The following WDR27 variants were observed in gnomAD, a reference collection of about 807,000 sequenced individuals.
WDR27 encodes WD repeat-containing protein 27.
WDR27 carries 100 observed loss-of-function variants against 114.4 expected under a neutral mutation model. The observed-to-expected ratio is 0.87, with a 90% CI of 0.74 to 1.03. The LOEUF is 1.03. Ranked by LOEUF, WDR27 falls within the 50% of genes least tolerant of loss-of-function variation. WDR27 has a pLI of 0.00. For missense variants in WDR27, 1,129 were observed against 1,092.9 expected, an observed-to-expected ratio of 1.03 and a Z score of -0.47; for synonymous variants, 449 against 423.1, an observed-to-expected ratio of 1.06 and a Z score of -0.75.
At chr6:169,518,784 C>T (rs1051191751) in intron 25 of WDR27, among the ~76,000 whole-genome samples, 1 of 152,212 alleles carries the variant, frequency 6.6e-6, no homozygotes, top group African/African-American at 2.4e-5. Flanking sequence ...TCTTTCTCTG[C>T]CACATGGCCA....
intron 17 of WDR27, among the ~76,000 whole-genome samples, chr6:169,640,270 C>T (rs1227490052): frequency 1.3e-5 from 2 of 152,132 alleles, no homozygotes; most frequent in Non-Finnish European, 2.9e-5. Context: ...AATTTATAGA[C>T]TAGACAATGA....
At chr6:169,487,240 T>C (rs1265749186) in intron 25 of WDR27, among the ~76,000 whole-genome samples, 2 of 152,218 alleles carry the variant, frequency 1.3e-5, no homozygotes, top group South Asian at 2.1e-4. Flanking sequence ...GCGAATACCA[T>C]TATTTTTTAT....
At position 169,665,492 on chromosome 6, in the gene WDR27, G is replaced by A. The variant is rs938918534; in HGVS notation, c.777C>T (p.Asp259=). The change falls in exon 7 of 26, where the codon GAC becomes GAT. Residue 259 remains aspartate, a synonymous_variant. Transcript: ENST00000448612. ...AACTCTGTGGCTGTCTCACCTGGCC[G>A]TCAGCACACCCGGTGACCAGCTGCC... ...ESRQLVTGCA[D]GQLWIFSLMD... is the part of the protein sequence containing the mutation. 1.4e-5 allele frequency: 22 copies of A among 1,613,110 alleles called. No individual in the cohort carries two copies. The highest frequency in any genetic ancestry group is 1.8e-5 in the Non-Finnish European group (21 of 1,179,494).
At chr6:169,696,253 C>G (rs920764770) in intron 1 of WDR27, among the ~76,000 whole-genome samples, 2 of 152,188 alleles carry the variant, frequency 1.3e-5, no homozygotes, top group Admixed American at 6.5e-5. Context: ...AACAAGCAAT[C>G]AACAGCAAGA....
At chr6:169,512,230 C>T (rs1201666677) in intron 25 of WDR27, among the ~76,000 whole-genome samples, 2 of 152,122 alleles carry the variant, frequency 1.3e-5, no homozygotes, top group East Asian at 3.9e-4. Flanking sequence ...AAATTTTATA[C>T]CTAGATGTCT....
At chr6:169,683,420 GA>G (rs919993350) in intron 2 of WDR27, among the ~76,000 whole-genome samples, 2 of 149,816 alleles carry the variant, frequency 1.3e-5, no homozygotes, top group Non-Finnish European at 3.0e-5. Context: ...TTCAGGGAAA[GA>G]AAAAAAATGC....
the WDR27 span, among the ~76,000 whole-genome samples, chr6:169,432,755 C>A: frequency 6.6e-6 from 1 of 152,106 alleles, no homozygotes; most frequent in African/African-American, 2.4e-5. Flanking sequence ...AAACTGGTAC[C>A]AGGTAGTGGG....
chr6:169,592,548 C>T (rs191116621), intron 23 of WDR27, among the ~76,000 whole-genome samples: 66 of 152,254 alleles, frequency 4.3e-4, no homozygotes, highest in African/African-American at 1.5e-3. Context: ...AATACTACTA[C>T]TAATCTTTCA....
At chr6:169,689,837 G>A (rs1475095646) in intron 1 of WDR27, among the ~76,000 whole-genome samples, 5 of 152,232 alleles carry the variant, frequency 3.3e-5, no homozygotes, top group African/African-American at 7.2e-5. Context: ...GGTCATGCAC[G>A]CTGTAGGTAT....
intron 13 of WDR27, 51 bp downstream of exon 13, chr6:169,658,225 T>G: frequency 1.3e-5 from 18 of 1,429,020 alleles, no homozygotes; most frequent in Non-Finnish European, 1.7e-5. Context: ...CTAACCACAA[T>G]GAGAACGCAT....
chr6:169,647,480 A>G (rs1033075029), intron 16 of WDR27, among the ~76,000 whole-genome samples: 28 of 152,272 alleles, frequency 1.8e-4, no homozygotes, highest in African/African-American at 6.5e-4. Context: ...GGTCAGACAA[A>G]CAGAGCAAAC....
chr6:169,654,899 G>T (rs1170184432), intron 13 of WDR27, among the ~76,000 whole-genome samples: 1 of 152,200 alleles, frequency 6.6e-6, no homozygotes, highest in African/African-American at 2.4e-5. Flanking sequence ...GTGTTCTTTT[G>T]CGGGTGTTTC....
chr6:169,657,167 A>T (rs1342772037), intron 13 of WDR27, among the ~76,000 whole-genome samples: 5 of 152,200 alleles, frequency 3.3e-5, no homozygotes, highest in Non-Finnish European at 7.3e-5. Context: ...CTCCAGCCCC[A>T]GGCTCAGCTC....
At chr6:169,523,651 C>G (rs2128068491) in intron 25 of WDR27, among the ~76,000 whole-genome samples, 1 of 152,068 alleles carries the variant, frequency 6.6e-6, no homozygotes, top group Middle Eastern at 3.4e-3. Context: ...AATTAATAAA[C>G]AGGATACATC....
intron 25 of WDR27, among the ~76,000 whole-genome samples, chr6:169,530,050 T>A (rs1402901744): frequency 6.6e-6 from 1 of 152,234 alleles, no homozygotes; most frequent in African/African-American, 2.4e-5. Flanking sequence ...ACAGTCCAAC[T>A]GTCACATTCC....
chr6:169,690,954 G>A (rs867209454), intron 1 of WDR27, among the ~76,000 whole-genome samples: 5 of 152,176 alleles, frequency 3.3e-5, no homozygotes, highest in South Asian at 2.1e-4. Flanking sequence ...GGTCGCTCAC[G>A]CCTGTAATCC....
chr6:169,431,633 AG>A, the WDR27 span, among the ~76,000 whole-genome samples: 2 of 152,042 alleles, frequency 1.3e-5, no homozygotes, highest in African/African-American at 2.4e-5. Context: ...CTTTATCTTT[AG>A]GTTCATTTGC....
chr6:169,442,385 C>T, the WDR27 span, among the ~76,000 whole-genome samples: 3 of 152,314 alleles, frequency 2.0e-5, no homozygotes, highest in South Asian at 6.2e-4. Context: ...TGAAAGAATT[C>T]TTATAAAATA....
At chr6:169,627,731 T>C (rs574382142) in intron 21 of WDR27, among the ~76,000 whole-genome samples, 9 of 152,164 alleles carry the variant, frequency 5.9e-5, no homozygotes, top group East Asian at 1.9e-4. Context: ...CTGGGTTCAG[T>C]TGAGATAACC....
Sources: allele counts gnomAD v4.1 joint callset (sites outside exome capture counted in the v4.1 genomes callset), GRCh38; gene constraint gnomAD v4.1.1; transcripts MANE v1.5; gene names NCBI Gene and HGNC (gene_info 2026-07-23, HGNC 2026-07-21).